Variants in DNAH11 observed in about 807,000 individuals in gnomAD.
The protein encoded by DNAH11 is dynein axonemal heavy chain 11, also known as axonemal beta dynein heavy chain 11.
DNAH11 carries 442 observed loss-of-function variants against 526.0 expected under a neutral mutation model. The observed-to-expected ratio is 0.84, with a 90% CI of 0.78 to 0.91. The LOEUF is 0.91. DNAH11 is among the 40% of genes least tolerant of loss of function. The probability of loss-of-function intolerance (pLI) is 0.00; values close to 1 mark genes in which losing one functional copy is unlikely to be tolerated. For missense variants in DNAH11, 6,989 were observed against 5,448.7 expected, an observed-to-expected ratio of 1.28 and a Z score of -8.90; for synonymous variants, 2,461 against 1,935.9, an observed-to-expected ratio of 1.27 and a Z score of -7.12.
intron 45 of DNAH11, among the ~76,000 whole-genome samples, 197 bp from the exon 46 acceptor site, chr7:21,735,443 A>G (rs545061613): frequency 6.6e-6 from 1 of 152,316 alleles, no homozygotes; most frequent in Admixed American, 6.5e-5. Flanking sequence ...TCAAGCTACA[A>G]TGTCTGAACT....
At chr7:21,592,269 T>C (rs1784715526) in intron 14 of DNAH11, among the ~76,000 whole-genome samples, 2 of 151,998 alleles carry the variant, frequency 1.3e-5, no homozygotes, top group Non-Finnish European at 2.9e-5. Context: ...GGATAGGGAG[T>C]CGCTTGCGGG....
At chr7:21,744,737 C>T (rs1786067864) in intron 50 of DNAH11, 133 bp from the exon 51 acceptor site, 5 of 1,428,360 alleles carry the variant, frequency 3.5e-6, no homozygotes, top group African/African-American at 1.4e-5. Flanking sequence ...TACACTTGGT[C>T]TATGCTTGGG....
intron 62 of DNAH11, among the ~76,000 whole-genome samples, chr7:21,804,202 G>A (rs866215647): frequency 2.8e-4 from 42 of 152,086 alleles, no homozygotes; most frequent in African/African-American, 8.9e-4. Context: ...TCCGCCTCCC[G>A]GGTTCACGCC....
At position 21,765,539 on chromosome 7, in the gene DNAH11, G is replaced by C. The variant is rs1463799040; in HGVS notation, c.9052G>C (p.Ala3018Pro). Residue 3018 changes from alanine to proline, a missense_variant, in exon 55 of 82, where the codon GCT (alanine) becomes CCT (proline). Coordinates refer to ENST00000409508, the MANE Select transcript of DNAH11 (RefSeq NM_001277115.2). ...CTGGTTTCATGCGTGGCCGCAGGAG[G>C]CTCTGGTCTCCGTCAGCAGGAGGTT... ...IDWFHAWPQE[A>P]LVSVSRRFIE... 15 of 1,592,010 alleles carry C rather than the reference G, an allele frequency of 9.4e-6. No homozygotes were observed. The highest frequency in any genetic ancestry group is 1.3e-5 in the Non-Finnish European group (15 of 1,164,430).
Position 21,884,520 on chromosome 7 carries a change from G to C in DNAH11, c.12507+110G>C, listed in dbSNP as rs796719355. On this transcript the variant is annotated intron_variant, in intron 76 of 81. Transcript: ENST00000409508. ...GGCAATTCTTAATGTTATTGAGGAT[G>C]CTTGGCCTTTTGGGAAATTTCTTAG... 3 of 1,201,876 alleles carry C rather than the reference G, an allele frequency of 2.5e-6. No individual in the cohort carries two copies. In the African/African-American group the frequency reaches 4.6e-5, roughly 19 times the overall value. 74.5% of individuals were successfully genotyped at this position (1,201,876 alleles called of 1,614,324 possible).
intron 28 of DNAH11, among the ~76,000 whole-genome samples, chr7:21,653,813 T>TA (rs1781891220): frequency 6.6e-6 from 1 of 152,230 alleles, no homozygotes; most frequent in Non-Finnish European, 1.5e-5. Flanking sequence ...TCTTTGATAC[T>TA]AAAACTGCAT....
intron 30 of DNAH11, among the ~76,000 whole-genome samples, chr7:21,674,121 A>G (rs778754611): frequency 1.3e-5 from 2 of 150,950 alleles, no homozygotes; most frequent in East Asian, 3.9e-4. Flanking sequence ...ATGCAGTGGC[A>G]CTATCTCGGC....
chr7:21,553,666 A>G (rs748498589), intron 2 of DNAH11, among the ~76,000 whole-genome samples: 2 of 152,152 alleles, frequency 1.3e-5, no homozygotes, highest in African/African-American at 2.4e-5. Flanking sequence ...TACTTGTAAC[A>G]TCCCCTCATA....
rs550084015 is a variant in DNAH11 at position 21,549,310 on chromosome 7, C to T, written c.495+4161C>T. On this transcript the variant is annotated intron_variant, in intron 2 of 81. Transcript: ENST00000409508. ...ACCACCTGTGCCTGAAGTTGTTCCA[C>T]AGCACATGCATAACACTTACTCTTG... Among the ~76,000 whole-genome samples the T allele has an allele frequency of 2.6e-5, 4 of 152,322 alleles. No homozygotes were observed. In the East Asian group the frequency reaches 5.8e-4, roughly 22 times the overall value.
At chr7:21,733,517 G>C (rs992106935) in intron 45 of DNAH11, among the ~76,000 whole-genome samples, 6 of 151,114 alleles carry the variant, frequency 4.0e-5, no homozygotes, top group Non-Finnish European at 8.8e-5. Flanking sequence ...GTATGATCTA[G>C]CTGGTTGAAG....
chr7:21,628,073 A>T (rs919583320), intron 25 of DNAH11, among the ~76,000 whole-genome samples: 1 of 151,542 alleles, frequency 6.6e-6, no homozygotes, highest in Non-Finnish European at 1.5e-5. Context: ...TGCCTTCTTG[A>T]TTTCTTTTTT....
chr7:21,637,628 A>G lies in DNAH11; in HGVS notation c.4743A>G (p.Thr1581=). 6.3e-7 allele frequency: 1 copy of G among 1,587,556 alleles called. No homozygotes were observed. Among genetic ancestry groups the G allele is most frequent in the Non-Finnish European group, 8.6e-7 (1 of 1,165,850 alleles). ...DAEFKELMFK[T]AKVENVLEAT... is the part of the protein sequence containing the mutation. ...TCATGCAGGAGTTAATGTTCAAGAC[A>G]GCCAAAGTAGAAAATGTGTTAGAAG... The change falls in exon 27 of 82, where the codon ACA becomes ACG. Residue 1581 remains threonine (T), a synonymous_variant. Coordinates refer to ENST00000409508, the MANE Select transcript of DNAH11 (RefSeq NM_001277115.2).
At chr7:21,803,388 C>T (rs918073757) in intron 62 of DNAH11, among the ~76,000 whole-genome samples, 1 of 152,190 alleles carries the variant, frequency 6.6e-6, no homozygotes, top group Non-Finnish European at 1.5e-5. Context: ...TGGACATTCA[C>T]CCTCATGCAT....
rs553654455 is a variant in DNAH11 at position 21,841,375 on chromosome 7, T to C, written c.10692-1169T>C. 1.7e-4 allele frequency among the ~76,000 whole-genome samples: 26 copies of C among 152,286 alleles called. 2 individuals are homozygous for C. The highest frequency in any genetic ancestry group is 1.7e-3 in the South Asian group (8 of 4,824). ...AAGAACTGCAACATTTAATGTATGTTTAATCACAGAAAGTACAGCTGGCCC... is the reference window on the plus strand; with the variant it reads ...AAGAACTGCAACATTTAATGTATGTCTAATCACAGAAAGTACAGCTGGCCC... On this transcript the variant is annotated intron_variant, in intron 65 of 81. Transcript: ENST00000409508.
intron 65 of DNAH11, among the ~76,000 whole-genome samples, chr7:21,825,399 T>C (rs1790240244): frequency 6.6e-6 from 1 of 152,178 alleles, no homozygotes; most frequent in African/African-American, 2.4e-5. Flanking sequence ...GATAGTTGGG[T>C]TGTAGAACTT....
intron 8 of DNAH11, 77 bp downstream of exon 8, chr7:21,572,050 A>G: frequency 4.7e-6 from 6 of 1,269,242 alleles, no homozygotes; most frequent in Non-Finnish European, 6.2e-6. Flanking sequence ...GGTCACAGTG[A>G]TAATAGGGAC....
At position 21,639,044 on chromosome 7, in the gene DNAH11, A is replaced by G; in HGVS notation, c.4923A>G (p.Ser1641=). 1.2e-6 allele frequency: 2 copies of G among 1,613,388 alleles called. No individual in the cohort carries two copies. Among genetic ancestry groups the G allele is most frequent in the Non-Finnish European group, 1.7e-6 (2 of 1,179,626 alleles). ...VSSADLLDIL[S]KGAQPKQVTC... ...CTGCTGATTTACTTGACATTCTCTC[A>G]AAAGGAGCTCAGCCTAAACAGGTAA... The change falls in exon 28 of 82, where the codon TCA becomes TCG. Residue 1641 remains serine (S), a synonymous_variant. Coordinates refer to ENST00000409508, the MANE Select transcript of DNAH11 (RefSeq NM_001277115.2).
rs546943897 is a variant in DNAH11 at position 21,855,315 on chromosome 7, G to C, written c.11202+860G>C. Among the ~76,000 whole-genome samples the C allele has an allele frequency of 8.5e-5, 13 of 152,298 alleles. No individual in the cohort carries two copies. In the South Asian group the frequency reaches 2.7e-3, roughly 32 times the overall value. On this transcript the variant is annotated intron_variant, in intron 68 of 81. Coordinates refer to ENST00000409508, the MANE Select transcript of DNAH11 (RefSeq NM_001277115.2). The stretch of plus-strand genomic sequence containing the variant: ...CAAAGTGTTGGGATTACAGGCGTGA[G>C]CCACCGCACCTGGCCAGCAGACTCT...
In DNAH11 at chr7:21,735,744, A is replaced by C. The variant is rs1785579958; in HGVS notation, c.7545A>C (p.Gly2515=). 6.2e-7 allele frequency: 1 copy of C among 1,614,012 alleles called. No individual in the cohort carries two copies. Among genetic ancestry groups the C allele is most frequent in the African/African-American group, 1.3e-5 (1 of 75,068 alleles). ...PLMLVGNAGV[G]KTVFVGDTLA... ...TGCTAGTAGGAAATGCAGGAGTGGG[A>C]AAAACAGTCTTTGTAGGTGACACAT... The change falls in exon 46 of 82, where the codon GGA becomes GGC. Residue 2515 remains glycine (G), a synonymous_variant. Coordinates refer to ENST00000409508, the MANE Select transcript of DNAH11 (RefSeq NM_001277115.2).
Sources: gnomAD v4.1 joint callset for allele counts (sites outside exome capture counted in the v4.1 genomes callset) on GRCh38, gnomAD v4.1.1 for gene constraint, MANE v1.5 for transcripts, NCBI Gene and HGNC (gene_info 2026-07-23, HGNC 2026-07-21) for gene names.